GGA1: variants seen among roughly 807,000 people sequenced by gnomAD.
GGA1 encodes the protein golgi associated, gamma adaptin ear containing, ARF binding protein 1.
In GGA1, 18 loss-of-function variants were observed where a neutral mutation model predicts 76.9. The ratio of observed to expected loss-of-function variants is 0.23; its 90% CI spans 0.16 to 0.35. The LOEUF is 0.35. Ranked by LOEUF, GGA1 falls within the 10% of genes least tolerant of loss-of-function variation. GGA1 has a pLI of 1.00. For synonymous variants in GGA1, 342 were observed against 354.7 expected, an observed-to-expected ratio of 0.96 and a Z score of 0.40; for missense variants, 755 against 859.0, an observed-to-expected ratio of 0.88 and a Z score of 1.51.
Position 37,608,842 on chromosome 22 carries a change from G to C in GGA1, c.-19G>C. On this transcript the variant is annotated 5_prime_UTR_variant, in exon 1 of 17. Transcript: ENST00000343632. Reference sequence around the variant, plus strand: ...GCGGGGGGCGGGGGGGCGGTGCCGAGGCTGGGGGCCGGTGGCGGATGGAGC... The same window carrying C: ...GCGGGGGGCGGGGGGGCGGTGCCGACGCTGGGGGCCGGTGGCGGATGGAGC... 7.6e-7 allele frequency: 1 copy of C among 1,308,598 alleles called. No homozygotes were observed. Among genetic ancestry groups the C allele is most frequent in the East Asian group, 3.1e-5 (1 of 31,850 alleles). The allele number at this position is 1,308,598 out of a possible 1,614,324, so 81.1% of individuals were successfully genotyped here. A position where few individuals can be genotyped will look rare whatever the true frequency, so the allele number is the denominator to read the frequency against.
chr22:37,614,755 G>A (rs953189732), intron 2 of GGA1, among the ~76,000 whole-genome samples: 2 of 152,154 alleles, frequency 1.3e-5, no homozygotes, highest in Non-Finnish European at 2.9e-5. Context: ...GAAGTGGGTG[G>A]ATTACCTGAG....
At chr22:37,627,394 C>T (rs1931036389) in intron 11 of GGA1, among the ~76,000 whole-genome samples, 1 of 152,082 alleles carries the variant, frequency 6.6e-6, no homozygotes, top group Admixed American at 6.6e-5. Context: ...CTTTGTGAAC[C>T]CAGCAGCCAG....
intron 11 of GGA1, among the ~76,000 whole-genome samples, chr22:37,628,324 A>G (rs1931214526): frequency 1.3e-5 from 2 of 152,098 alleles, no homozygotes; most frequent in Non-Finnish European, 2.9e-5. Context: ...CAGCCTCCCA[A>G]ATAGCTGGGA....
At chr22:37,617,394 G>C (rs1929013853) in intron 3 of GGA1, 1 of 1,088,894 alleles carries the variant, frequency 9.2e-7, no homozygotes, top group South Asian at 2.6e-5. Flanking sequence ...GGTGGTGCTT[G>C]GGCTCAGGCC....
At chr22:37,609,360 A>G in intron 1 of GGA1, 3 of 1,097,728 alleles carry the variant, frequency 2.7e-6, no homozygotes, top group Non-Finnish European at 3.4e-6. Context: ...GGAGCCCGCA[A>G]GTAGTCACAT....
rs1441713779 is a variant in GGA1 at position 37,624,921 on chromosome 22, G to C, written c.833-48G>C. 6.5e-7 allele frequency: 1 copy of C among 1,542,398 alleles called. No individual in the cohort carries two copies. The highest frequency in any genetic ancestry group is 1.2e-5 in the South Asian group (1 of 84,016). ...GGGTCCTCGTCCCCTGCCGCCCAGA[G>C]GCCCCCACAGTCCTTCAGCCTGGCC... On this transcript the variant is annotated intron_variant, in intron 9 of 16. Coordinates refer to ENST00000343632, the MANE Select transcript of GGA1 (RefSeq NM_013365.5). The surrounding 1 kb of genome is among the most constrained non-coding windows in gnomAD (Gnocchi z 4.3).
intron 1 of GGA1, among the ~76,000 whole-genome samples, chr22:37,609,631 C>T (rs1295205125): frequency 6.6e-6 from 1 of 152,140 alleles, no homozygotes; most frequent in Non-Finnish European, 1.5e-5. Flanking sequence ...TCTCCTCAGA[C>T]GTAGCTTCCT....
intron 14 of GGA1, 50 bp from the exon 15 acceptor site, chr22:37,631,946 G>A (rs1394512711): frequency 1.0e-5 from 16 of 1,524,764 alleles, no homozygotes; most frequent in East Asian, 2.3e-5. Context: ...GGGGCTGAGC[G>A]GATGTGCTGC....
intron 3 of GGA1, chr22:37,617,433 GGA>G: frequency 1.9e-6 from 2 of 1,045,744 alleles, no homozygotes; most frequent in Non-Finnish European, 2.3e-6. Context: ...CAATAGCAGA[GGA>G]GAGAGGGGTG....
chr22:37,623,304 G>T lies in GGA1; in HGVS notation c.610-23G>T, dbSNP rs1930215542. 6.2e-7 allele frequency: 1 copy of T among 1,612,132 alleles called. No homozygotes were observed. The highest frequency in any genetic ancestry group is 8.5e-7 in the Non-Finnish European group (1 of 1,178,302). Reference sequence around the variant, plus strand: ...TCGTCCAGGCCAAAGGTTCTCAGGGGCCCTTGGCCAATGTGTCCCCAGGAC... The same window carrying T: ...TCGTCCAGGCCAAAGGTTCTCAGGGTCCCTTGGCCAATGTGTCCCCAGGAC... On this transcript the variant is annotated intron_variant, in intron 7 of 16. Transcript: ENST00000343632. The surrounding 1 kb of genome is among the most constrained non-coding windows in gnomAD (Gnocchi z 4.6).
At chr22:37,614,705 A>T (rs943122595) in intron 2 of GGA1, among the ~76,000 whole-genome samples, 2 of 152,232 alleles carry the variant, frequency 1.3e-5, no homozygotes, top group African/African-American at 2.4e-5. Flanking sequence ...TTGGCCAGGC[A>T]CAGTGGCTCA....
chr22:37,613,469 C>T (rs563638090), intron 1 of GGA1, among the ~76,000 whole-genome samples: 122 of 152,188 alleles, frequency 8.0e-4, no homozygotes, highest in African/African-American at 2.1e-3. Flanking sequence ...GGCGAGACCT[C>T]GGCTCACTCC....
At chr22:37,622,349 G>A (rs1309841514) in intron 7 of GGA1, among the ~76,000 whole-genome samples, 2 of 151,966 alleles carry the variant, frequency 1.3e-5, no homozygotes, top group African/African-American at 4.8e-5. Flanking sequence ...CCAAAGTGCT[G>A]GGATTACAGG....
At chr22:37,609,070 G>A in intron 1 of GGA1, 167 bp downstream of exon 1, 3 of 1,490,646 alleles carry the variant, frequency 2.0e-6, no homozygotes, top group East Asian at 3.0e-5. Context: ...GAGCGATGGA[G>A]GACCCCGGCC....
rs764151001 is a variant in GGA1 at position 37,632,085 on chromosome 22, G to T, written c.1618G>T (p.Val540Leu). ...ARDPLPGRSD[V>L]LVVVVSMLST... Reference sequence around the variant, plus strand: ...GGACCCACTGCCAGGGCGCTCCGACGTGCTGGTGGTGGTGGTTTCCATGCT... The same window carrying T: ...GGACCCACTGCCAGGGCGCTCCGACTTGCTGGTGGTGGTGGTTTCCATGCT... Residue 540 changes from valine to leucine, a missense_variant, in exon 15 of 17, where the codon GTG (valine) becomes TTG (leucine). Physicochemically the swap from Val to Leu is conservative, Grantham distance 32. Coordinates refer to ENST00000343632, the MANE Select transcript of GGA1 (RefSeq NM_013365.5). The surrounding 1 kb of genome is among the most constrained non-coding windows in gnomAD (Gnocchi z 5.1). 5 of 1,613,776 alleles carry T rather than the reference G, an allele frequency of 3.1e-6. No individual in the cohort carries two copies. The highest frequency in any genetic ancestry group is 1.7e-4 in the Middle Eastern group (1 of 6,060).
At chr22:37,616,853 T>C in intron 2 of GGA1, 69 bp from the exon 3 acceptor site, 1 of 1,471,890 alleles carries the variant, frequency 6.8e-7, no homozygotes, top group South Asian at 1.4e-5. Flanking sequence ...CCCAGCGGCC[T>C]GGGGTCGTGG....
At position 37,630,026 on chromosome 22, in the gene GGA1, C is replaced by T. The variant is rs769047869; in HGVS notation, c.1187C>T (p.Pro396Leu). 2 of 1,587,128 alleles carry T rather than the reference C, an allele frequency of 1.3e-6. No homozygotes were observed. The highest frequency in any genetic ancestry group is 2.7e-5 in the African/African-American group (2 of 73,678). The change falls in exon 13 of 17, where the codon CCT becomes CTT. Residue 396 changes from proline (P) to leucine (L), a missense_variant. Coordinates refer to ENST00000343632, the MANE Select transcript of GGA1 (RefSeq NM_013365.5). ...TCGGATGCCACTGAGCCCCCAGCCC[C>T]TGCTCTGGCCCAGGCCCCCAGTATG... is the stretch of plus-strand genomic sequence containing the variant. ...QSSDATEPPA[P>L]ALAQAPSMES...
intron 14 of GGA1, 25 bp downstream of exon 14, chr22:37,631,124 G>C (rs1464730012): frequency 6.7e-7 from 1 of 1,502,052 alleles, no homozygotes. Context: ...GGCAGGTGCA[G>C]GCTGGGTTGG....
intron 1 of GGA1, chr22:37,612,835 G>T (rs1927985807): frequency 1.3e-6 from 1 of 750,598 alleles, no homozygotes; most frequent in African/African-American, 1.9e-5. Flanking sequence ...GAGGTTCAGG[G>T]AAGCATGTAA....
Sources: allele counts gnomAD v4.1 joint callset (sites outside exome capture counted in the v4.1 genomes callset), GRCh38; gene constraint gnomAD v4.1.1; non-coding constraint Gnocchi (gnomAD v3.1); transcripts MANE v1.5; gene names NCBI Gene and HGNC (gene_info 2026-07-23, HGNC 2026-07-21).